Variants in CCT6B observed in about 807,000 individuals in gnomAD.
The protein encoded by CCT6B is probable T-complex protein 1 subunit zeta-2.
CCT6B carries 49 observed loss-of-function variants against 61.5 expected under a neutral mutation model. That is an observed-to-expected ratio of 0.80 (90% CI 0.63 to 1.01). The LOEUF is 1.01. CCT6B is among the 50% of genes least tolerant of loss of function. CCT6B has a pLI of 0.00. For synonymous variants in CCT6B, 228 were observed against 214.5 expected, an observed-to-expected ratio of 1.06 and a Z score of -0.55; for missense variants, 666 against 634.7, an observed-to-expected ratio of 1.05 and a Z score of -0.53.
chr17:34,956,652 A>G (rs2090350487), intron 3 of CCT6B, among the ~76,000 whole-genome samples: 1 of 152,144 alleles, frequency 6.6e-6, no homozygotes, highest in Non-Finnish European at 1.5e-5. Flanking sequence ...CAATTCCCAT[A>G]AAAACTGTTA....
At chr17:34,937,789 AATTAT>A (rs1198722987) in intron 10 of CCT6B, among the ~76,000 whole-genome samples, 2 of 152,164 alleles carry the variant, frequency 1.3e-5, no homozygotes, top group African/African-American at 4.8e-5. Flanking sequence ...AAAATTTGCC[AATTAT>A]ATATCTGAAA....
intron 10 of CCT6B, among the ~76,000 whole-genome samples, chr17:34,933,085 T>C (rs1347033556): frequency 1.3e-5 from 2 of 152,196 alleles, no homozygotes; most frequent in Admixed American, 1.3e-4. Flanking sequence ...CCCGGCCTTA[T>C]GACTACTTTT....
chr17:34,934,890 C>T (rs527893449), intron 10 of CCT6B, among the ~76,000 whole-genome samples: 5 of 152,190 alleles, frequency 3.3e-5, no homozygotes, highest in African/African-American at 1.2e-4. Context: ...CAGACCAATA[C>T]CCCTTATGAA....
chr17:34,940,119 T>C (rs2090144038), intron 8 of CCT6B, among the ~76,000 whole-genome samples: 1 of 152,172 alleles, frequency 6.6e-6, no homozygotes, highest in African/African-American at 2.4e-5. Flanking sequence ...CTCTTGAATT[T>C]ATTCCTCCTA....
rs1313851970 is a variant in CCT6B at position 34,961,295 on chromosome 17, C to T, written c.99G>A (p.Val33=). The change falls in exon 1 of 14, where the codon GTG becomes GTA. Residue 33 remains valine (V), a synonymous_variant. Transcript: ENST00000314144. Reference sequence around the variant, plus strand: ...CTTTAGGACCCAAGTTGGTCCGCAGCACATCCTGCAGCCCTCGGGCGGCGC... The same window carrying T: ...CTTTAGGACCCAAGTTGGTCCGCAGTACATCCTGCAGCCCTCGGGCGGCGC... ...NICAARGLQD[V]LRTNLGPKGT... 2 of 1,612,860 alleles carry T rather than the reference C, an allele frequency of 1.2e-6. No individual in the cohort carries two copies. Among genetic ancestry groups the T allele is most frequent in the East Asian group, 4.5e-5 (2 of 44,874 alleles).
At position 34,958,499 on chromosome 17, in the gene CCT6B, T is replaced by A. The variant is rs938196530; in HGVS notation, c.336+61A>T. The A allele has an allele frequency of 1.6e-5, 17 of 1,046,280 alleles. No individual in the cohort carries two copies. In the Admixed American group the frequency reaches 4.9e-4, roughly 30 times the overall value. The allele number at this position is 1,046,280 out of a possible 1,614,324, so 64.8% of individuals were successfully genotyped here. A position where few individuals can be genotyped will look rare whatever the true frequency, so the allele number is the denominator to read the frequency against. On this transcript the variant is annotated intron_variant, in intron 3 of 13. Transcript: ENST00000314144. ...ATTAACTGTCTAAAACTCAACCATTTTACTAGTTAAAAAAATAATTTGCCA... is the reference window on the plus strand; with the variant it reads ...ATTAACTGTCTAAAACTCAACCATTATACTAGTTAAAAAAATAATTTGCCA...
chr17:34,929,654 T>G (rs756444168), intron 12 of CCT6B, among the ~76,000 whole-genome samples: 3 of 151,780 alleles, frequency 2.0e-5, no homozygotes, highest in African/African-American at 7.3e-5. Context: ...GCTGGGATTA[T>G]AGGGGCCTGC....
chr17:34,942,476 T>C lies in CCT6B; in HGVS notation c.885+8A>G, dbSNP rs201720376. ...ACAAATAACTAAAATCTAAACTTTC[T>C]TTCTCACCTTTTGATTAATGACGAC... On this transcript the variant is annotated splice_region_variant and intron_variant, in intron 7 of 13. Transcript: ENST00000314144. The C allele has an allele frequency of 3.2e-6, 5 of 1,582,030 alleles. No individual in the cohort carries two copies. The highest frequency in any genetic ancestry group is 4.3e-6 in the Non-Finnish European group (5 of 1,169,726).
chr17:34,952,900 G>A (rs1428878425), intron 4 of CCT6B, among the ~76,000 whole-genome samples: 1 of 152,134 alleles, frequency 6.6e-6, no homozygotes, highest in East Asian at 1.9e-4. Flanking sequence ...CACTGTTTCT[G>A]TAACTCTAAA....
intron 10 of CCT6B, among the ~76,000 whole-genome samples, chr17:34,938,595 G>A (rs558164251): frequency 5.3e-5 from 8 of 152,124 alleles, no homozygotes; most frequent in Admixed American, 2.0e-4. Context: ...GCCAGGCGCA[G>A]TGGCTCATGC....
intron 5 of CCT6B, among the ~76,000 whole-genome samples, chr17:34,947,074 G>C (rs113586702): frequency 1.3e-5 from 2 of 152,152 alleles, no homozygotes; most frequent in Non-Finnish European, 2.9e-5. Flanking sequence ...TTTTAAAGTA[G>C]AGTAGACATT....
At chr17:34,958,013 G>C (rs1428754965) in intron 3 of CCT6B, among the ~76,000 whole-genome samples, 1 of 152,032 alleles carries the variant, frequency 6.6e-6, no homozygotes, top group Admixed American at 6.6e-5. Flanking sequence ...GGATACATGG[G>C]TAATTTTTTA....
intron 3 of CCT6B, among the ~76,000 whole-genome samples, chr17:34,958,088 T>C (rs2090368091): frequency 6.6e-6 from 1 of 152,232 alleles, no homozygotes; most frequent in Admixed American, 6.5e-5. Flanking sequence ...AAAGGCATTA[T>C]TTTGGCCAAC....
chr17:34,946,099 A>G (rs2142160966), intron 5 of CCT6B, among the ~76,000 whole-genome samples: 1 of 152,368 alleles, frequency 6.6e-6, no homozygotes, highest in East Asian at 1.9e-4. Context: ...AAGAGCTAGA[A>G]ATAATCAGCC....
chr17:34,948,800 A>AG (rs2090255479), intron 5 of CCT6B, among the ~76,000 whole-genome samples: 1 of 151,328 alleles, frequency 6.6e-6, no homozygotes, highest in African/African-American at 2.4e-5. Context: ...TTGGGAGGCC[A>AG]AGCAGGTGGA....
At chr17:34,945,256 C>T (rs1387123498) in intron 5 of CCT6B, among the ~76,000 whole-genome samples, 1 of 152,196 alleles carries the variant, frequency 6.6e-6, no homozygotes, top group African/African-American at 2.4e-5. Context: ...ACTAATGATT[C>T]TCAAATACAT....
Position 34,939,185 on chromosome 17 carries a change from T to A in CCT6B, c.1211A>T (p.Asp404Val), listed in dbSNP as rs911324375. 6.2e-7 allele frequency: 1 copy of A among 1,613,338 alleles called. No individual in the cohort carries two copies. The highest frequency in any genetic ancestry group is 1.3e-5 in the African/African-American group (1 of 74,900). ...ATCAATCACAAGAAAGAGCTTACCA[T>A]CTTCAATGGCATTTTTGATAGCACG... Reference protein sequence around the residue: ...GLRAIKNAIEDGCMVPGAGAI... With the variant: ...GLRAIKNAIEVGCMVPGAGAI... The change falls in exon 10 of 14, where the codon GAT becomes GTT. Residue 404 changes from aspartate (D) to valine (V), a missense_variant and splice_region_variant. Physicochemically the swap from Asp to Val is radical, Grantham distance 152 (BLOSUM62 -3). Transcript: ENST00000314144.
rs142366963 is a variant in CCT6B at position 34,939,062 on chromosome 17, C to A, written c.1213+121G>T. On this transcript the variant is annotated intron_variant, in intron 10 of 13. Transcript: ENST00000314144. ...TCGCACCACTGCACTAAAGCCTGGG[C>A]AACAGAGGAAGACTCTGTCTAAAAA... 1,576 of 793,902 alleles carry A rather than the reference C, an allele frequency of 2.0e-3. 15 individuals are homozygous for A. The African/African-American group carries it at 0.024, about 12-fold the overall frequency. The allele number at this position is 793,902 out of a possible 1,614,324, so 49.2% of individuals were successfully genotyped here.
chr17:34,928,983 T>A lies in CCT6B; in HGVS notation c.1502A>T (p.Lys501Ile). The A allele has an allele frequency of 1.2e-6, 2 of 1,606,672 alleles. No homozygotes were observed. The highest frequency in any genetic ancestry group is 2.2e-5 in the South Asian group (2 of 90,274). ...TTACCAAGAGTGAAGAAGTTGTTTT[T>A]TTACACAATAATTATCCCAAACTCC... ...DAGVWDNYCV[K>I]KQLLHSCTVI... Residue 501 changes from lysine (K) to isoleucine (I), a missense_variant, in exon 13 of 14, where the codon AAA (lysine) becomes ATA (isoleucine). Coordinates refer to ENST00000314144, the MANE Select transcript of CCT6B (RefSeq NM_006584.4).
Sources: gnomAD v4.1 joint callset for allele counts (sites outside exome capture counted in the v4.1 genomes callset) on GRCh38, gnomAD v4.1.1 for gene constraint, MANE v1.5 for transcripts, NCBI Gene and HGNC (gene_info 2026-07-23, HGNC 2026-07-21) for gene names.